Variants in ZNF737 observed in about 807,000 individuals in gnomAD.
The protein encoded by ZNF737 is zinc finger protein 102 (Y3).
A neutral mutation model predicts 11.7 loss-of-function variants in ZNF737; 13 were observed. The observed-to-expected ratio is 1.11, with a 90% CI of 0.73 to 1.77. The LOEUF (loss-of-function observed/expected upper bound fraction) is 1.77, where lower values mean the gene tolerates loss of function less well. ZNF737 is among the 40% of genes most tolerant of loss of function. The pLI is 0.00. For synonymous variants in ZNF737, 217 were observed against 216.2 expected (o/e 1.00, Z -0.03); for missense variants, 636 against 638.0 (o/e 1.00, Z 0.03).
Position 20,552,569 on chromosome 19 carries a change from A to T in ZNF737, c.132T>A (p.Gly44=). The T allele has an allele frequency of 6.4e-7, 1 of 1,573,328 alleles. No individual in the cohort carries two copies. Among genetic ancestry groups the T allele is most frequent in the Non-Finnish European group, 8.6e-7 (1 of 1,162,900 alleles). The change falls in exon 3 of 4, where the codon GGT becomes GGA. Residue 44 remains glycine, a splice_region_variant and synonymous_variant. Transcript: ENST00000427401. ...LENYRNLVFL[G]IVVSKPDLIT... ...TGAGGTCTGGCTTAGAGACAACAAT[A>T]CCTGTTTTATTAAAAATAAATAACA...
At chr19:20,563,573 C>T (rs561142106) in intron 1 of ZNF737, among the ~76,000 whole-genome samples, 1 of 150,406 alleles carries the variant, frequency 6.6e-6, no homozygotes, top group South Asian at 2.1e-4. Context: ...GCAACCTCTG[C>T]CTCCCCGGTT....
chr19:20,542,641 A>C lies in ZNF737; in HGVS notation c.*1951T>G. ...AATTATTTCTTTGTGTCACTATAAT[A>C]AAGTATTGCTCTGAACATTTACGTT... On this transcript the variant is annotated 3_prime_UTR_variant, in exon 4 of 4. Coordinates refer to ENST00000427401, the MANE Select transcript of ZNF737 (RefSeq NM_001159293.2). 1.0e-6 allele frequency: 1 copy of C among 977,814 alleles called. No individual in the cohort carries two copies. Among genetic ancestry groups the C allele is most frequent in the Non-Finnish European group, 1.2e-6 (1 of 823,092 alleles). The allele number at this position is 977,814 out of a possible 1,614,324, so 60.6% of individuals were successfully genotyped here. A position where few individuals can be genotyped will look rare whatever the true frequency, so the allele number is the denominator to read the frequency against.
intron 1 of ZNF737, among the ~76,000 whole-genome samples, chr19:20,563,816 A>G (rs1969196593): frequency 6.6e-6 from 1 of 152,144 alleles, no homozygotes; most frequent in African/African-American, 2.4e-5. Flanking sequence ...CTCCATAAGA[A>G]AAGTAAATAT....
At chr19:20,557,112 T>C (rs1165860034) in intron 1 of ZNF737, among the ~76,000 whole-genome samples, 1 of 152,222 alleles carries the variant, frequency 6.6e-6, no homozygotes, top group Non-Finnish European at 1.5e-5. Context: ...TTGTGACTTA[T>C]GGAGCAACTA....
At chr19:20,530,913 A>G (rs6511127), downstream of ZNF737, among the ~76,000 whole-genome samples, 62,917 of 146,588 alleles carry the variant, frequency 0.43, 15,639 homozygotes, top group East Asian at 0.71. Context: ...CCGAGATCAC[A>G]CCACTGCACT....
At chr19:20,564,229 G>C (rs1555763210) in intron 1 of ZNF737, 1 of 152,032 alleles carries the variant, frequency 6.6e-6, no homozygotes, top group African/African-American at 2.4e-5. Flanking sequence ...ACTTCTAGAA[G>C]GTACCATGTT....
Position 20,541,334 on chromosome 19 carries a change from C to T in ZNF737, c.*3258G>A, listed in dbSNP as rs185713029. The T allele has an allele frequency of 1.4e-4, 135 of 983,084 alleles. No homozygotes were observed. The African/African-American group carries it at 2.2e-3, about 16-fold the overall frequency. 60.9% of individuals were successfully genotyped at this position (983,084 alleles called of 1,614,324 possible). A position where few individuals can be genotyped will look rare whatever the true frequency, so the allele number is the denominator to read the frequency against. On this transcript the variant is annotated 3_prime_UTR_variant, in exon 4 of 4. Coordinates refer to ENST00000427401, the MANE Select transcript of ZNF737 (RefSeq NM_001159293.2). Reference sequence around the variant, plus strand: ...CAGAGTAATATGTGTATATTTAACTCTATGTAAATTAAAACTAAAAGTCTA... The same window carrying T: ...CAGAGTAATATGTGTATATTTAACTTTATGTAAATTAAAACTAAAAGTCTA...
At position 20,540,092 on chromosome 19, in the gene ZNF737, C is replaced by G; in HGVS notation, c.*4500G>C. Reference sequence around the variant, plus strand: ...TCTGCCATAGAATCCTCTTATGTTCCTTACTGGAAGCAACATGGAGGAGGC... The same window carrying G: ...TCTGCCATAGAATCCTCTTATGTTCGTTACTGGAAGCAACATGGAGGAGGC... On this transcript the variant is annotated 3_prime_UTR_variant, in exon 4 of 4. Coordinates refer to ENST00000427401, the MANE Select transcript of ZNF737 (RefSeq NM_001159293.2). 1.0e-6 allele frequency: 1 copy of G among 985,244 alleles called. No homozygotes were observed. The highest frequency in any genetic ancestry group is 4.7e-5 in the South Asian group (1 of 21,262). 61.0% of individuals were successfully genotyped at this position (985,244 alleles called of 1,614,324 possible).
rs1555755800 is a variant in ZNF737, at chr19:20,544,251, C to G, written c.*341G>C. On this transcript the variant is annotated 3_prime_UTR_variant, in exon 4 of 4. Transcript: ENST00000427401. ...AACTTCCTAAAAGCGTTGTCACATT[C>G]TTTATATTTGTAGGGTTTATGTTCC... 1 of 1,076,970 alleles carries G rather than the reference C, an allele frequency of 9.3e-7. No individual in the cohort carries two copies. The highest frequency in any genetic ancestry group is 1.7e-5 in the African/African-American group (1 of 59,764). The allele number at this position is 1,076,970 out of a possible 1,614,324, so 66.7% of individuals were successfully genotyped here.
rs1388425729 is a variant in ZNF737, at chr19:20,540,043, G to C, written c.*4549C>G. 46 of 985,282 alleles carry C rather than the reference G, an allele frequency of 4.7e-5. No individual in the cohort carries two copies. The highest frequency in any genetic ancestry group is 5.2e-5 in the Non-Finnish European group (43 of 829,934). The allele number at this position is 985,282 out of a possible 1,614,324, so 61.0% of individuals were successfully genotyped here. On this transcript the variant is annotated 3_prime_UTR_variant, in exon 4 of 4. Transcript: ENST00000427401. ...GATGAGAGGTGATTATTTCTTGAAT[G>C]AATGAGATTCCCTTTTTTTTCCCTC... is the stretch of plus-strand genomic sequence containing the variant.
intron 1 of ZNF737, among the ~76,000 whole-genome samples, chr19:20,555,826 C>CTTTTTTTTTTTT (rs144778054): frequency 1.3e-5 from 2 of 148,798 alleles, no homozygotes; most frequent in Non-Finnish European, 1.5e-5. Context: ...AAAGAAAAGC[C>CTTTTTTTTTTTT]TTTTTTTTTT....
chr19:20,534,744 C>CA (rs1555753531), downstream of ZNF737, among the ~76,000 whole-genome samples: 1 of 149,510 alleles, frequency 6.7e-6, no homozygotes, highest in Non-Finnish European at 1.5e-5. Context: ...TTATGCTGAC[C>CA]AATTTGATCA....
At chr19:20,554,982 C>T (rs139667112) in intron 1 of ZNF737, among the ~76,000 whole-genome samples, 2,195 of 107,668 alleles carry the variant, frequency 0.02, 30 homozygotes, top group Middle Eastern at 0.06. Context: ...CCTGCCTCAG[C>T]TTCCCGAGTA....
downstream of ZNF737, among the ~76,000 whole-genome samples, chr19:20,533,087 G>C (rs782557455): frequency 6.7e-6 from 1 of 150,028 alleles, no homozygotes; most frequent in East Asian, 2.0e-4. Context: ...GTTCATCTCT[G>C]ACCCTACATA....
In ZNF737 at chr19:20,546,837, G is replaced by A. The variant is rs1238131001; in HGVS notation, c.227-861C>T. On this transcript the variant is annotated intron_variant, in intron 3 of 3. Transcript: ENST00000427401. ...TGAGGTTACAATGAGCCACAATTAT[G>A]CCACTGCACTGCAGCCTGGGTGACA... Among the ~76,000 whole-genome samples, 3 of 152,250 alleles carry A rather than the reference G, an allele frequency of 2.0e-5. No individual in the cohort carries two copies. The East Asian group carries it at 5.8e-4, about 29-fold the overall frequency.
chr19:20,541,999 C>T lies in ZNF737; in HGVS notation c.*2593G>A. On this transcript the variant is annotated 3_prime_UTR_variant, in exon 4 of 4. Coordinates refer to ENST00000427401, the MANE Select transcript of ZNF737 (RefSeq NM_001159293.2). ...ATAAAAAATTTAAATAATAAAGAGTCAAAATTTAATCTATGGGAACAATAT... is the reference window on the plus strand; with the variant it reads ...ATAAAAAATTTAAATAATAAAGAGTTAAAATTTAATCTATGGGAACAATAT... 1 of 981,990 alleles carries T rather than the reference C, an allele frequency of 1.0e-6. No homozygotes were observed. The allele number at this position is 981,990 out of a possible 1,614,324, so 60.8% of individuals were successfully genotyped here.
chr19:20,557,050 A>G (rs34351294), intron 1 of ZNF737, among the ~76,000 whole-genome samples: 40,336 of 152,150 alleles, frequency 0.27, 5,941 homozygotes, highest in East Asian at 0.44. Flanking sequence ...AGAGATAGAA[A>G]GAAAGAGGTT....
rs1968264799 is a variant in ZNF737, at chr19:20,542,722, A to C, written c.*1870T>G. 1 of 984,442 alleles carries C rather than the reference A, an allele frequency of 1.0e-6. No individual in the cohort carries two copies. Among genetic ancestry groups the C allele is most frequent in the Non-Finnish European group, 1.2e-6 (1 of 829,190 alleles). 61.0% of individuals were successfully genotyped at this position (984,442 alleles called of 1,614,324 possible). A position where few individuals can be genotyped will look rare whatever the true frequency, so the allele number is the denominator to read the frequency against. Reference sequence around the variant, plus strand: ...CAGCTTCTCCACTTGTATTTTCATTATGCGTCTTACATTTTAATGTTCTTA... The same window carrying C: ...CAGCTTCTCCACTTGTATTTTCATTCTGCGTCTTACATTTTAATGTTCTTA... On this transcript the variant is annotated 3_prime_UTR_variant, in exon 4 of 4. Coordinates refer to ENST00000427401, the MANE Select transcript of ZNF737 (RefSeq NM_001159293.2).
intron 1 of ZNF737, among the ~76,000 whole-genome samples, chr19:20,562,512 TTTTC>T (rs1969136123): frequency 6.6e-6 from 1 of 151,668 alleles, no homozygotes; most frequent in Admixed American, 6.6e-5. Flanking sequence ...AATACCTGAT[TTTTC>T]TTTTTCTTTT....
Sources: gnomAD v4.1 joint callset for allele counts (sites outside exome capture counted in the v4.1 genomes callset) on GRCh38, gnomAD v4.1.1 for gene constraint, MANE v1.5 for transcripts, NCBI Gene and HGNC (gene_info 2026-07-23, HGNC 2026-07-21) for gene names.